Variants in RPH3A observed in about 807,000 individuals in gnomAD.
RPH3A encodes rabphilin-3A.
A neutral mutation model predicts 102.2 loss-of-function variants in RPH3A; 48 were observed. That is an observed-to-expected ratio of 0.47 (90% CI 0.37 to 0.60). The LOEUF is 0.60. Ranked by LOEUF, RPH3A falls within the 20% of genes least tolerant of loss-of-function variation. The pLI is 0.00. For synonymous variants in RPH3A, 310 were observed against 324.3 expected (o/e 0.96, Z 0.47); for missense variants, 781 against 910.1 (o/e 0.86, Z 1.83).
chr12:112,858,851 T>A (rs998282453), intron 5 of RPH3A, among the ~76,000 whole-genome samples: 16 of 152,292 alleles, frequency 1.1e-4, no homozygotes, highest in Admixed American at 3.9e-4. Flanking sequence ...AGGGACATAC[T>A]CCTGGTGCCT....
At chr12:112,759,984 G>A (rs1016371562) in intron 1 of RPH3A, among the ~76,000 whole-genome samples, 2 of 152,150 alleles carry the variant, frequency 1.3e-5, no homozygotes, top group African/African-American at 2.4e-5. Context: ...TGGACCAGCC[G>A]GCCCGACCAG....
At chr12:112,876,271 C>T (rs2042796076) in intron 12 of RPH3A, among the ~76,000 whole-genome samples, 1 of 152,174 alleles carries the variant, frequency 6.6e-6, no homozygotes, top group South Asian at 2.1e-4. Flanking sequence ...TTAAGTGCTA[C>T]ACCTGTATTT....
intron 1 of RPH3A, among the ~76,000 whole-genome samples, chr12:112,594,354 T>C (rs767402190): frequency 3.3e-5 from 5 of 152,166 alleles, no homozygotes; most frequent in Non-Finnish European, 5.9e-5. Flanking sequence ...AGCCAGGCAG[T>C]CTAACTACAG....
At chr12:112,661,639 C>T (rs1266858716) in intron 1 of RPH3A, among the ~76,000 whole-genome samples, 1 of 152,190 alleles carries the variant, frequency 6.6e-6, no homozygotes. Flanking sequence ...TCTCATTCTA[C>T]AGATAGGCAA....
chr12:112,762,819 G>A (rs1240610827), intron 1 of RPH3A, among the ~76,000 whole-genome samples: 3 of 152,210 alleles, frequency 2.0e-5, no homozygotes, highest in African/African-American at 7.2e-5. Flanking sequence ...TTTATTTAAG[G>A]TTCCAGAGAG....
intron 1 of RPH3A, among the ~76,000 whole-genome samples, chr12:112,769,157 A>G (rs1836352867): frequency 6.6e-6 from 1 of 152,190 alleles, no homozygotes; most frequent in Non-Finnish European, 1.5e-5. Context: ...AGCTGTTATG[A>G]TAACCTATAA....
In RPH3A at chr12:112,896,987, C is replaced by T. The variant is rs974036828; in HGVS notation, c.*207C>T. The T allele has an allele frequency of 9.0e-6, 5 of 556,524 alleles. No individual in the cohort carries two copies. Among genetic ancestry groups the T allele is most frequent in the Non-Finnish European group, 1.6e-5 (5 of 312,470 alleles). The allele number at this position is 556,524 out of a possible 1,614,324, so 34.5% of individuals were successfully genotyped here. On this transcript the variant is annotated 3_prime_UTR_variant, in exon 22 of 22. Transcript: ENST00000389385. Reference sequence around the variant, plus strand: ...GCTGGGATGTGGGCTCTGAATACAGCCCCTCTCTCATCCCTGGGATGGAGC... The same window carrying T: ...GCTGGGATGTGGGCTCTGAATACAGTCCCTCTCTCATCCCTGGGATGGAGC...
chr12:112,634,238 C>T (rs1157573515), intron 1 of RPH3A, among the ~76,000 whole-genome samples: 3 of 49,558 alleles, frequency 6.1e-5, no homozygotes, highest in Non-Finnish European at 1.1e-4. Context: ...GTCCCAGCTA[C>T]TTGGGAGGCT....
intron 1 of RPH3A, among the ~76,000 whole-genome samples, chr12:112,712,050 TCA>T (rs897623583): frequency 1.3e-5 from 2 of 152,156 alleles, no homozygotes; most frequent in African/African-American, 4.8e-5. Flanking sequence ...CAGGTTGGTC[TCA>T]AACTCCTGAC....
At chr12:112,756,884 C>T (rs534242703) in intron 1 of RPH3A, among the ~76,000 whole-genome samples, 3 of 152,360 alleles carry the variant, frequency 2.0e-5, no homozygotes, top group Admixed American at 6.5e-5. Flanking sequence ...TCCCCACAGC[C>T]TTGCCAGCAA....
At chr12:112,615,367 C>T (rs2039670716) in intron 1 of RPH3A, among the ~76,000 whole-genome samples, 1 of 152,138 alleles carries the variant, frequency 6.6e-6, no homozygotes, top group African/African-American at 2.4e-5. Flanking sequence ...GATTGTTCCC[C>T]ACACGCACTG....
chr12:112,796,972 C>G (rs1274229212), intron 2 of RPH3A, among the ~76,000 whole-genome samples: 1 of 152,108 alleles, frequency 6.6e-6, no homozygotes, highest in East Asian at 1.9e-4. Flanking sequence ...ATTACTTGAA[C>G]CCGGGAGATA....
At chr12:112,874,079 G>T (rs1427501070) in intron 10 of RPH3A, 1 of 152,228 alleles carries the variant, frequency 6.6e-6, no homozygotes, top group African/African-American at 2.4e-5. Context: ...AGGTGGTAAA[G>T]CACCTTTTGT....
At chr12:112,776,354 G>A (rs2040965276) in intron 1 of RPH3A, among the ~76,000 whole-genome samples, 1 of 152,158 alleles carries the variant, frequency 6.6e-6, no homozygotes, top group South Asian at 2.1e-4. Context: ...TTGCTCACTA[G>A]TCTATAGGTT....
intron 1 of RPH3A, among the ~76,000 whole-genome samples, chr12:112,716,977 A>G (rs1200881230): frequency 6.6e-6 from 1 of 152,122 alleles, no homozygotes; most frequent in Non-Finnish European, 1.5e-5. Context: ...TAAATGAATA[A>G]TAGCAAACAT....
At chr12:112,640,723 T>C (rs1411618470) in intron 1 of RPH3A, among the ~76,000 whole-genome samples, 1 of 152,174 alleles carries the variant, frequency 6.6e-6, no homozygotes, top group Non-Finnish European at 1.5e-5. Flanking sequence ...TTTGCAAATC[T>C]CAATAACTTC....
chr12:112,598,242 C>T (rs117868716), intron 1 of RPH3A, among the ~76,000 whole-genome samples: 167 of 152,316 alleles, frequency 1.1e-3, no homozygotes, highest in Non-Finnish European at 2.0e-3. Context: ...TTGAGGAAAG[C>T]TACAAGGAGT....
At chr12:112,872,944 C>A (rs959261272) in intron 10 of RPH3A, among the ~76,000 whole-genome samples, 1 of 152,190 alleles carries the variant, frequency 6.6e-6, no homozygotes, top group East Asian at 1.9e-4. Context: ...TAATGCAGGA[C>A]TTATCACTGT....
intron 1 of RPH3A, among the ~76,000 whole-genome samples, chr12:112,601,143 G>C (rs1175733277): frequency 2.0e-5 from 3 of 152,204 alleles, no homozygotes; most frequent in African/African-American, 4.8e-5. Context: ...TGGGGACACA[G>C]AGCCAAATCG....
Sources: allele counts gnomAD v4.1 joint callset (sites outside exome capture counted in the v4.1 genomes callset), GRCh38; gene constraint gnomAD v4.1.1; transcripts MANE v1.5; gene names NCBI Gene and HGNC (gene_info 2026-07-23, HGNC 2026-07-21).